The following RFTN2 variants were observed in gnomAD, a reference collection of about 807,000 sequenced individuals.
RFTN2 encodes raftlin-2.
Under a neutral mutation model 52.7 loss-of-function variants are expected in RFTN2, and 34 were observed. The ratio of observed to expected loss-of-function variants is 0.64; its 90% CI spans 0.49 to 0.86. The LOEUF (loss-of-function observed/expected upper bound fraction) is 0.86, where lower values mean the gene tolerates loss of function less well. Among genes scored for constraint, RFTN2 ranks in the 40% least tolerant of loss-of-function variants. The pLI is 0.00. For synonymous variants in RFTN2, 203 were observed against 217.7 expected, an observed-to-expected ratio of 0.93 and a Z score of 0.59; for missense variants, 536 against 600.1, an observed-to-expected ratio of 0.89 and a Z score of 1.12.
chr2:197,586,495 C>G (rs1220848646), intron 8 of RFTN2, among the ~76,000 whole-genome samples: 1 of 152,154 alleles, frequency 6.6e-6, no homozygotes, highest in Admixed American at 6.5e-5. Flanking sequence ...ATGTGTCTAC[C>G]TGCTAATTGG....
chr2:197,664,628 A>G (rs1238340908), intron 1 of RFTN2, among the ~76,000 whole-genome samples: 1 of 151,736 alleles, frequency 6.6e-6, no homozygotes, highest in Non-Finnish European at 1.5e-5. Context: ...AAATTACAAA[A>G]AAAAAATTTA....
intron 7 of RFTN2, among the ~76,000 whole-genome samples, chr2:197,611,449 G>A (rs370470904): frequency 1.6e-4 from 25 of 152,140 alleles, no homozygotes; most frequent in African/African-American, 5.5e-4. Flanking sequence ...CTGTGGGATC[G>A]GTAGTGATAT....
intron 8 of RFTN2, among the ~76,000 whole-genome samples, chr2:197,573,889 G>A (rs2087368056): frequency 1.3e-5 from 2 of 152,268 alleles, no homozygotes; most frequent in African/African-American, 4.8e-5. Context: ...AGCCTTGGTG[G>A]CTCACATGTT....
chr2:197,619,561 C>T (rs1435471042), intron 5 of RFTN2, among the ~76,000 whole-genome samples: 2 of 147,508 alleles, frequency 1.4e-5, no homozygotes, highest in Admixed American at 6.7e-5. Context: ...CCTTAAGAGT[C>T]ATCACCACTC....
At position 197,626,756 on chromosome 2, in the gene RFTN2, C is replaced by G. The variant is rs1360064049; in HGVS notation, c.928+4255G>C. The stretch of plus-strand genomic sequence containing the variant: ...GCCTCAGCCTCCTGAGTAGCTGGGA[C>G]TATAGGCGCCCGCCACCACATCCAG... On this transcript the variant is annotated intron_variant, in intron 5 of 8. Coordinates refer to ENST00000295049, the MANE Select transcript of RFTN2 (RefSeq NM_144629.3). Among the ~76,000 whole-genome samples the G allele has an allele frequency of 4.0e-5, 6 of 150,398 alleles. No homozygotes were observed. The East Asian group carries it at 1.2e-3, about 30-fold the overall frequency.
At chr2:197,581,087 C>T (rs1465449420) in intron 8 of RFTN2, among the ~76,000 whole-genome samples, 1 of 152,184 alleles carries the variant, frequency 6.6e-6, no homozygotes, top group Non-Finnish European at 1.5e-5. Context: ...TCACCCTTAC[C>T]CTGCTCAATG....
At chr2:197,659,296 C>G (rs993433128) in intron 1 of RFTN2, among the ~76,000 whole-genome samples, 2 of 151,446 alleles carry the variant, frequency 1.3e-5, no homozygotes, top group Admixed American at 1.3e-4. Context: ...GTCAGGAGAT[C>G]GAGACCATCC....
chr2:197,667,220 A>T (rs988974110), intron 1 of RFTN2, among the ~76,000 whole-genome samples: 4 of 152,192 alleles, frequency 2.6e-5, no homozygotes, highest in Middle Eastern at 6.8e-3. Flanking sequence ...TCCTGACCTC[A>T]AGTGATCTGC....
intron 8 of RFTN2, among the ~76,000 whole-genome samples, chr2:197,583,892 C>T (rs1413758625): frequency 6.6e-6 from 1 of 151,918 alleles, no homozygotes; most frequent in East Asian, 1.9e-4. Flanking sequence ...GTTTTTTGTC[C>T]CTGCGATAGT....
intron 4 of RFTN2, among the ~76,000 whole-genome samples, chr2:197,633,448 A>C (rs1430644846): frequency 1.3e-5 from 2 of 152,144 alleles, no homozygotes; most frequent in East Asian, 3.8e-4. Flanking sequence ...TTTATGAGGG[A>C]GTTTTGGATG....
chr2:197,616,274 A>ATTTATTTTATTTTATTTT (rs879732758), intron 6 of RFTN2, among the ~76,000 whole-genome samples: 7 of 116,660 alleles, frequency 6.0e-5, no homozygotes, highest in Middle Eastern at 4.3e-3. Context: ...TCTGCATTTT[A>ATTTATTTTATTTTATTTT]TTTTATTTTA....
At chr2:197,660,855 G>T (rs778251157) in intron 1 of RFTN2, among the ~76,000 whole-genome samples, 2 of 151,952 alleles carry the variant, frequency 1.3e-5, no homozygotes, top group East Asian at 3.9e-4. Flanking sequence ...CACTGCGCCC[G>T]GCCAAGTATT....
intron 6 of RFTN2, among the ~76,000 whole-genome samples, chr2:197,617,485 C>T (rs906961178): frequency 5.3e-5 from 8 of 151,906 alleles, no homozygotes; most frequent in Admixed American, 4.6e-4. Flanking sequence ...TATATATAGC[C>T]TGGGCAACAT....
intron 7 of RFTN2, among the ~76,000 whole-genome samples, chr2:197,608,623 CTTTTTTTT>C (rs57681105): frequency 3.0e-5 from 3 of 99,514 alleles, no homozygotes; most frequent in African/African-American, 8.1e-5. Flanking sequence ...TGGGACCAGA[CTTTTTTTT>C]TTTTTTTTTT....
At chr2:197,644,365 G>A in intron 2 of RFTN2, 93 bp from the exon 3 acceptor site, 1 of 659,100 alleles carries the variant, frequency 1.5e-6, no homozygotes, top group Non-Finnish European at 2.7e-6. Flanking sequence ...CTCACAAACA[G>A]GGTCAAGGTA....
intron 8 of RFTN2, among the ~76,000 whole-genome samples, chr2:197,591,772 C>T (rs1430994443): frequency 2.6e-5 from 4 of 152,154 alleles, no homozygotes; most frequent in African/African-American, 4.8e-5. Flanking sequence ...CTGTGGGACC[C>T]GGCGCACCCT....
chr2:197,614,899 A>G (rs2088117252), intron 7 of RFTN2, among the ~76,000 whole-genome samples: 1 of 152,224 alleles, frequency 6.6e-6, no homozygotes, highest in Admixed American at 6.5e-5. Context: ...ATTTGAGAAC[A>G]GTTACTATAG....
chr2:197,611,076 T>A (rs1290732972), intron 7 of RFTN2, among the ~76,000 whole-genome samples: 1 of 152,214 alleles, frequency 6.6e-6, no homozygotes, highest in Admixed American at 6.5e-5. Context: ...AAAATATTCT[T>A]TTTTTGTTGT....
At chr2:197,614,936 T>A (rs2088117662) in intron 7 of RFTN2, among the ~76,000 whole-genome samples, 2 of 152,238 alleles carry the variant, frequency 1.3e-5, no homozygotes, top group Non-Finnish European at 2.9e-5. Flanking sequence ...GTAGATTAAT[T>A]GCTTTGCTTA....
Sources: allele counts gnomAD v4.1 joint callset (sites outside exome capture counted in the v4.1 genomes callset), GRCh38; gene constraint gnomAD v4.1.1; transcripts MANE v1.5; gene names NCBI Gene and HGNC (gene_info 2026-07-23, HGNC 2026-07-21).